IQGAP2: variants seen among roughly 807,000 people sequenced by gnomAD.
IQGAP2 encodes ras GTPase-activating-like protein IQGAP2.
IQGAP2 carries 173 observed loss-of-function variants against 201.3 expected under a neutral mutation model. The ratio of observed to expected loss-of-function variants is 0.86; its 90% CI spans 0.76 to 0.98. IQGAP2 has a LOEUF of 0.98. Among genes scored for constraint, IQGAP2 ranks in the 50% least tolerant of loss-of-function variants. The pLI is 0.00. For synonymous variants in IQGAP2, 675 were observed against 673.9 expected, an observed-to-expected ratio of 1.00 and a Z score of -0.03; for missense variants, 1,687 against 1,864.8, an observed-to-expected ratio of 0.90 and a Z score of 1.76.
intron 2 of IQGAP2, among the ~76,000 whole-genome samples, chr5:76,496,773 C>CTTTCTTTCT: frequency 1.3e-5 from 1 of 75,554 alleles, no homozygotes; most frequent in South Asian, 3.9e-4. Flanking sequence ...TTCTTTCTTT[C>CTTTCTTTCT]TTTCTTTCTT....
intron 5 of IQGAP2, among the ~76,000 whole-genome samples, chr5:76,578,636 G>A (rs537402497): frequency 2.8e-4 from 42 of 152,188 alleles, no homozygotes; most frequent in Non-Finnish European, 2.9e-5. Context: ...CTAAAGAAAT[G>A]TTTGTCTTTT....
intron 2 of IQGAP2, among the ~76,000 whole-genome samples, chr5:76,499,932 C>T (rs923764750): frequency 6.6e-6 from 1 of 151,998 alleles, no homozygotes; most frequent in African/African-American, 2.4e-5. Flanking sequence ...ATAGTGAAAC[C>T]TCATCCCTAA....
chr5:76,598,573 G>A (rs1474778861), intron 10 of IQGAP2, among the ~76,000 whole-genome samples: 2 of 152,156 alleles, frequency 1.3e-5, no homozygotes, highest in South Asian at 2.1e-4. Context: ...CCCAGCGTAG[G>A]GATAGATATG....
intron 1 of IQGAP2, among the ~76,000 whole-genome samples, chr5:76,451,290 A>G (rs1307517040): frequency 2.0e-5 from 3 of 151,810 alleles, no homozygotes; most frequent in Non-Finnish European, 2.9e-5. Context: ...TGTTCCTTCT[A>G]TTGCCAGTCC....
chr5:76,700,191 G>A (rs914119712), intron 33 of IQGAP2, among the ~76,000 whole-genome samples: 7 of 152,052 alleles, frequency 4.6e-5, no homozygotes, highest in African/African-American at 1.7e-4. Context: ...ATCCACAGTC[G>A]GGCGAATTGG....
intron 1 of IQGAP2, among the ~76,000 whole-genome samples, chr5:76,404,144 G>C (rs910592048): frequency 1.8e-4 from 28 of 152,178 alleles, no homozygotes; most frequent in Admixed American, 1.4e-3. Flanking sequence ...GGCCTCACAG[G>C]TGTAAGTCCC....
intron 2 of IQGAP2, among the ~76,000 whole-genome samples, chr5:76,463,134 A>T (rs1754573557): frequency 6.6e-6 from 1 of 151,440 alleles, no homozygotes; most frequent in Admixed American, 6.6e-5. Flanking sequence ...AAAAAAAAAA[A>T]AAAAAAAAAG....
chr5:76,597,703 TA>T, intron 10 of IQGAP2, 101 bp downstream of exon 10: 6 of 1,246,514 alleles, frequency 4.8e-6, no homozygotes, highest in Non-Finnish European at 6.8e-6. Context: ...CGGGGATCTC[TA>T]ATTTGTACCA....
At chr5:76,585,541 T>G (rs1040831110) in intron 5 of IQGAP2, among the ~76,000 whole-genome samples, 3 of 151,892 alleles carry the variant, frequency 2.0e-5, no homozygotes, top group Non-Finnish European at 4.4e-5. Context: ...GAGGTGGACT[T>G]TCACTCTTGC....
chr5:76,445,465 CT>C (rs33993084), intron 1 of IQGAP2, among the ~76,000 whole-genome samples: 542 of 139,864 alleles, frequency 3.9e-3, no homozygotes, highest in African/African-American at 4.5e-3. Flanking sequence ...CCGTTTTAAC[CT>C]TTTTTTTTTT....
intron 5 of IQGAP2, among the ~76,000 whole-genome samples, chr5:76,578,091 T>C (rs2150285804): frequency 6.6e-6 from 1 of 152,312 alleles, no homozygotes; most frequent in Admixed American, 6.5e-5. Flanking sequence ...AACTTCTGGG[T>C]GCTTATGCTT....
chr5:76,652,806 C>A lies in IQGAP2; in HGVS notation c.2151C>A (p.Phe717Leu). The change falls in exon 18 of 36, where the codon TTC (phenylalanine) becomes TTA (leucine). Residue 717 changes from phenylalanine (F) to leucine (L), a missense_variant. Transcript: ENST00000274364. ...RKEYMHRRQT[F>L]IDNTDSIVKI... ...AGTATATGCACAGGCGGCAAACGTT[C>A]ATTGATAATACTGATTCTATTGTGA... The A allele has an allele frequency of 1.9e-6, 3 of 1,608,140 alleles. No homozygotes were observed. Among genetic ancestry groups the A allele is most frequent in the Non-Finnish European group, 8.5e-7 (1 of 1,174,506 alleles).
intron 28 of IQGAP2, 110 bp downstream of exon 28, chr5:76,677,460 A>G: frequency 1.1e-6 from 1 of 920,686 alleles, no homozygotes; most frequent in Non-Finnish European, 1.6e-6. Context: ...GCTAATACTC[A>G]TATTCTTAAC....
intron 2 of IQGAP2, among the ~76,000 whole-genome samples, chr5:76,501,480 A>C (rs1342960615): frequency 6.6e-6 from 1 of 152,172 alleles, no homozygotes; most frequent in South Asian, 2.1e-4. Context: ...ACAGTATTGC[A>C]TGCTCTGCTT....
At chr5:76,677,530 C>A in intron 28 of IQGAP2, 180 bp downstream of exon 28, 1 of 439,794 alleles carries the variant, frequency 2.3e-6, no homozygotes, top group African/African-American at 2.0e-5. Context: ...ACTCCTTCTC[C>A]CAAACAACAA....
At position 76,707,737 on chromosome 5, in the gene IQGAP2, A is replaced by G. The variant is rs1051083960; in HGVS notation, c.*424A>G. ...ATAAATGGAAACCTAATTATTTGTA[A>G]TGAATTATTTAGACAGTTCTAAGCC... On this transcript the variant is annotated 3_prime_UTR_variant, in exon 36 of 36. Transcript: ENST00000274364. The G allele has an allele frequency of 1.3e-5, 2 of 156,600 alleles. No individual in the cohort carries two copies. The highest frequency in any genetic ancestry group is 2.4e-5 in the African/African-American group (1 of 41,488). The allele number at this position is 156,600 out of a possible 1,614,324, so 9.7% of individuals were successfully genotyped here. A position where few individuals can be genotyped will look rare whatever the true frequency, so the allele number is the denominator to read the frequency against.
At chr5:76,676,332 C>T (rs1313025608) in intron 27 of IQGAP2, among the ~76,000 whole-genome samples, 1 of 152,086 alleles carries the variant, frequency 6.6e-6, no homozygotes, top group African/African-American at 2.4e-5. Context: ...ATAGGAAAGC[C>T]GACTGTTACA....
chr5:76,587,588 T>A (rs767178691), intron 5 of IQGAP2, among the ~76,000 whole-genome samples: 2 of 152,218 alleles, frequency 1.3e-5, no homozygotes, highest in Non-Finnish European at 2.9e-5. Flanking sequence ...TGTAATTTTT[T>A]AAACCATAAG....
chr5:76,513,067 A>AG (rs1257915705), intron 2 of IQGAP2, among the ~76,000 whole-genome samples: 4 of 151,280 alleles, frequency 2.6e-5, no homozygotes, highest in East Asian at 1.9e-4. Context: ...AAAGAAAAAA[A>AG]AAAAGAAAAA....
Sources: gnomAD v4.1 joint callset for allele counts (sites outside exome capture counted in the v4.1 genomes callset) on GRCh38, gnomAD v4.1.1 for gene constraint, MANE v1.5 for transcripts, NCBI Gene and HGNC (gene_info 2026-07-23, HGNC 2026-07-21) for gene names.